The following AGBL4 variants were observed in gnomAD, a reference collection of about 807,000 sequenced individuals.
AGBL4 encodes AGBL carboxypeptidase 4, also known as cytosolic carboxypeptidase 6.
Under a neutral mutation model 66.4 loss-of-function variants are expected in AGBL4, and 58 were observed. That is an observed-to-expected ratio of 0.87 (90% CI 0.71 to 1.09). The LOEUF is 1.09. AGBL4 is among the 50% of genes least tolerant of loss of function. The probability of loss-of-function intolerance (pLI) is 0.00; values close to 1 mark genes in which losing one functional copy is unlikely to be tolerated. For synonymous variants in AGBL4, 234 were observed against 222.9 expected, an observed-to-expected ratio of 1.05 and a Z score of -0.44; for missense variants, 579 against 631.0, an observed-to-expected ratio of 0.92 and a Z score of 0.88.
At chr1:49,596,345 T>C (rs961516841) in intron 3 of AGBL4, among the ~76,000 whole-genome samples, 2 of 152,078 alleles carry the variant, frequency 1.3e-5, no homozygotes, top group Admixed American at 1.3e-4. Flanking sequence ...GATTCTTGTA[T>C]TTTTTGGTAG....
At chr1:48,658,391 T>C (rs1312730371) in intron 7 of AGBL4, among the ~76,000 whole-genome samples, 3 of 152,218 alleles carry the variant, frequency 2.0e-5, no homozygotes, top group Admixed American at 2.0e-4. Flanking sequence ...AGCAAGACAG[T>C]TTGAGGTCTC....
intron 4 of AGBL4, among the ~76,000 whole-genome samples, chr1:49,054,067 A>C (rs868620689): frequency 1.3e-5 from 2 of 152,264 alleles, no homozygotes; most frequent in African/African-American, 4.8e-5. Context: ...GCCAGACATC[A>C]GAGCTATACT....
In AGBL4 at chr1:49,691,308, T is replaced by C. The variant is rs1646881570; in HGVS notation, c.282+6005A>G. 4 of 152,416 alleles carry C rather than the reference T, an allele frequency of 2.6e-5. No homozygotes were observed. The South Asian group carries it at 8.3e-4, about 32-fold the overall frequency. The allele number at this position is 152,416 out of a possible 1,614,324, so 9.4% of individuals were successfully genotyped here. ...CTTGATGGTGGTGGCCTTGGTGACA[T>C]TGAGCATGTTGAAGTGCACTATCTT... On this transcript the variant is annotated intron_variant, in intron 3 of 13. Coordinates refer to ENST00000371839, the MANE Select transcript of AGBL4 (RefSeq NM_032785.4).
At chr1:49,220,198 T>C (rs1649393207) in intron 4 of AGBL4, among the ~76,000 whole-genome samples, 1 of 152,192 alleles carries the variant, frequency 6.6e-6, no homozygotes, top group South Asian at 2.1e-4. Flanking sequence ...ACTAACATGA[T>C]GAATCTCTTA....
chr1:49,826,436 C>A (rs930536699), intron 2 of AGBL4, among the ~76,000 whole-genome samples: 1 of 152,254 alleles, frequency 6.6e-6, no homozygotes, highest in East Asian at 1.9e-4. Context: ...AGTGACAAAT[C>A]GAAGACTAAG....
intron 2 of AGBL4, among the ~76,000 whole-genome samples, chr1:49,738,746 C>A (rs1171519482): frequency 6.6e-6 from 1 of 152,194 alleles, no homozygotes; most frequent in Non-Finnish European, 1.5e-5. Context: ...TTGCTGTTCA[C>A]CAATATCTGC....
intron 6 of AGBL4, among the ~76,000 whole-genome samples, chr1:48,674,521 G>A (rs112525748): frequency 6.2e-4 from 67 of 107,530 alleles, no homozygotes; most frequent in African/African-American, 2.1e-3. Flanking sequence ...TGTTGGGCGC[G>A]TTGGGGCGGG....
intron 2 of AGBL4, among the ~76,000 whole-genome samples, chr1:49,709,127 A>C (rs1019463063): frequency 2.0e-5 from 3 of 152,160 alleles, no homozygotes; most frequent in Non-Finnish European, 4.4e-5. Flanking sequence ...GGCAGGCAGG[A>C]AGGTTTATAT....
At chr1:48,803,354 T>C (rs1645851275) in intron 6 of AGBL4, among the ~76,000 whole-genome samples, 1 of 152,196 alleles carries the variant, frequency 6.6e-6, no homozygotes, top group African/African-American at 2.4e-5. Context: ...AATGTAGAGC[T>C]CAAGCTTACA....
chr1:49,587,090 A>G (rs1177960922), intron 3 of AGBL4, among the ~76,000 whole-genome samples: 1 of 152,022 alleles, frequency 6.6e-6, no homozygotes, highest in African/African-American at 2.4e-5. Context: ...ATAAAAATAC[A>G]AAAAAATTAG....
intron 6 of AGBL4, among the ~76,000 whole-genome samples, chr1:48,832,766 G>C (rs890115778): frequency 6.6e-6 from 1 of 152,136 alleles, no homozygotes. Flanking sequence ...CATTCAATCT[G>C]TTAAGAGCCT....
intron 5 of AGBL4, among the ~76,000 whole-genome samples, chr1:49,030,284 T>C (rs1664098387): frequency 6.6e-6 from 1 of 152,122 alleles, no homozygotes. Flanking sequence ...GAGACCACGA[T>C]TTCTCTGTCT....
intron 3 of AGBL4, among the ~76,000 whole-genome samples, chr1:49,653,567 GC>G (rs1483960438): frequency 1.3e-5 from 2 of 151,998 alleles, no homozygotes; most frequent in East Asian, 3.9e-4. Flanking sequence ...AAATGAAGAA[GC>G]ATGACAAAAC....
chr1:48,989,155 T>C (rs1420483952), intron 5 of AGBL4, among the ~76,000 whole-genome samples: 1 of 152,182 alleles, frequency 6.6e-6, no homozygotes, highest in Non-Finnish European at 1.5e-5. Flanking sequence ...TGGATTTCAA[T>C]GATGTCTAAG....
At chr1:49,819,844 G>T (rs979062238) in intron 2 of AGBL4, among the ~76,000 whole-genome samples, 1 of 152,174 alleles carries the variant, frequency 6.6e-6, no homozygotes, top group Non-Finnish European at 1.5e-5. Flanking sequence ...AGAAAGAGCA[G>T]AGTTCCATTG....
intron 4 of AGBL4, among the ~76,000 whole-genome samples, chr1:49,141,780 A>C (rs1473775212): frequency 6.6e-6 from 1 of 152,198 alleles, no homozygotes; most frequent in Non-Finnish European, 1.5e-5. Context: ...AGAAATAAGG[A>C]GTAGTATCTG....
chr1:49,611,984 A>G (rs1645163747), intron 3 of AGBL4, among the ~76,000 whole-genome samples: 1 of 152,180 alleles, frequency 6.6e-6, no homozygotes, highest in African/African-American at 2.4e-5. Flanking sequence ...CTGCATGGAG[A>G]AAGATGCCAG....
intron 3 of AGBL4, among the ~76,000 whole-genome samples, chr1:49,330,633 A>T (rs534168215): frequency 1.3e-5 from 2 of 152,300 alleles, no homozygotes; most frequent in South Asian, 4.1e-4. Context: ...CCTTCCTGAA[A>T]AGTTAAGAAT....
chr1:49,062,532 A>T (rs1644421597), intron 4 of AGBL4, among the ~76,000 whole-genome samples: 1 of 152,210 alleles, frequency 6.6e-6, no homozygotes, highest in South Asian at 2.1e-4. Context: ...TGAATGCATG[A>T]ATGAGAGTGT....
Sources: allele counts gnomAD v4.1 joint callset (sites outside exome capture counted in the v4.1 genomes callset), GRCh38; gene constraint gnomAD v4.1.1; transcripts MANE v1.5; gene names NCBI Gene and HGNC (gene_info 2026-07-23, HGNC 2026-07-21).